Variants in TAF15 observed in about 807,000 individuals in gnomAD.
TAF15 encodes the protein TATA-box binding protein associated factor 15.
In TAF15, 37 loss-of-function variants were observed where a neutral mutation model predicts 102.5. That is an observed-to-expected ratio of 0.36 (90% confidence interval 0.28 to 0.47). The LOEUF is 0.47. Ranked by LOEUF, TAF15 falls within the 20% of genes least tolerant of loss-of-function variation. The pLI, the probability that TAF15 is intolerant of heterozygous loss-of-function variation, is 0.99. For synonymous variants in TAF15, 273 were observed against 259.2 expected (o/e 1.05, Z -0.51); for missense variants, 652 against 760.7 (o/e 0.86, Z 1.68).
chr17:35,829,460 A>G (rs1226586484), intron 7 of TAF15, among the ~76,000 whole-genome samples: 3 of 150,734 alleles, frequency 2.0e-5, no homozygotes, highest in Non-Finnish European at 3.0e-5. Context: ...GTGAAACTCC[A>G]TCTCTACTAA....
intron 7 of TAF15, 57 bp downstream of exon 7, chr17:35,824,255 T>TA: frequency 6.4e-7 from 1 of 1,562,872 alleles, no homozygotes; most frequent in Non-Finnish European, 8.7e-7. Flanking sequence ...TTTTTTTTTT[T>TA]AAGGTGTTAC....
At chr17:35,832,082 AAAAC>A (rs975108035) in intron 7 of TAF15, among the ~76,000 whole-genome samples, 5 of 152,278 alleles carry the variant, frequency 3.3e-5, no homozygotes, top group South Asian at 2.1e-4. Flanking sequence ...CGTCTGGGAA[AAAAC>A]AAACAAAAAA....
intron 7 of TAF15, among the ~76,000 whole-genome samples, chr17:35,828,778 A>C (rs201745750): frequency 1.2e-5 from 1 of 86,366 alleles, no homozygotes; most frequent in African/African-American, 5.3e-5. Context: ...TCAAATGTTT[A>C]AAAAAAAAAA....
At position 35,844,626 on chromosome 17, in the gene TAF15, G is replaced by T; in HGVS notation, c.1327G>T (p.Gly443Trp). 6.2e-7 allele frequency: 1 copy of T among 1,604,228 alleles called. No homozygotes were observed. The highest frequency in any genetic ancestry group is 8.5e-7 in the Non-Finnish European group (1 of 1,174,236). The change falls in exon 15 of 16, where the codon GGG becomes TGG. Residue 443 changes from glycine to tryptophan, a missense_variant. This residue lies in a region of TAF15 where 368 missense variants were observed against 367.5 expected (regional missense o/e 1.00). Transcript: ENST00000605844. The stretch of plus-strand genomic sequence containing the variant: ...TGGTGGCTACAGCGGAGATAGAAGT[G>T]GGGGCGGCTATGGTGGAGACAGAAG... Reference protein sequence around the residue: ...SGGGYSGDRSGGGYGGDRSGG... With the variant: ...SGGGYSGDRSWGGYGGDRSGG...
At chr17:35,841,030 C>T (rs943092647) in intron 11 of TAF15, among the ~76,000 whole-genome samples, 1 of 152,212 alleles carries the variant, frequency 6.6e-6, no homozygotes, top group South Asian at 2.1e-4. Flanking sequence ...GAAGCTATGT[C>T]TTTTGCATAT....
intron 1 of TAF15, 87 bp downstream of exon 1, chr17:35,809,663 G>C (rs1354649584): frequency 6.3e-7 from 1 of 1,591,578 alleles, no homozygotes; most frequent in Non-Finnish European, 8.6e-7. Flanking sequence ...AGGGCCCTGA[G>C]GAGAAGCCTC....
intron 7 of TAF15, among the ~76,000 whole-genome samples, chr17:35,832,077 G>C (rs774562070): frequency 3.9e-5 from 6 of 151,940 alleles, no homozygotes; most frequent in Non-Finnish European, 5.9e-5. Flanking sequence ...GACTCCGTCT[G>C]GGAAAAAACA....
At chr17:35,820,801 T>C (rs544754208) in intron 5 of TAF15, among the ~76,000 whole-genome samples, 71 of 152,248 alleles carry the variant, frequency 4.7e-4, no homozygotes, top group Non-Finnish European at 7.6e-4. Flanking sequence ...ATATTAACTT[T>C]TCAGGGACAA....
chr17:35,814,624 G>A (rs903037328), intron 1 of TAF15, among the ~76,000 whole-genome samples: 3 of 151,874 alleles, frequency 2.0e-5, no homozygotes, highest in Non-Finnish European at 4.4e-5. Flanking sequence ...AGGCCGAGGC[G>A]GGCGGTTCAC....
At chr17:35,824,389 G>T in intron 7 of TAF15, 191 bp downstream of exon 7, 1 of 732,864 alleles carries the variant, frequency 1.4e-6, no homozygotes, top group Non-Finnish European at 2.1e-6. Context: ...AATGACCTTA[G>T]AATTGGCTAT....
intron 10 of TAF15, among the ~76,000 whole-genome samples, 175 bp from the exon 11 acceptor site, chr17:35,838,249 G>A (rs1181572590): frequency 6.6e-6 from 1 of 152,140 alleles, no homozygotes; most frequent in Non-Finnish European, 1.5e-5. Context: ...TTTTCACTTA[G>A]TGTAGCTTAG....
At chr17:35,813,992 T>TTG (rs1052281949) in intron 1 of TAF15, among the ~76,000 whole-genome samples, 19 of 137,598 alleles carry the variant, frequency 1.4e-4, no homozygotes, top group Non-Finnish European at 6.4e-5. Context: ...TTCTGTTTTT[T>TTG]TTGTTGTTGT....
chr17:35,828,467 C>T (rs927008144), intron 7 of TAF15, among the ~76,000 whole-genome samples: 4 of 152,150 alleles, frequency 2.6e-5, no homozygotes, highest in Admixed American at 6.5e-5. Flanking sequence ...GTCATGATGG[C>T]CTGCGCCTGT....
At chr17:35,810,284 C>T (rs2087110269) in intron 1 of TAF15, 2 of 154,152 alleles carry the variant, frequency 1.3e-5, no homozygotes, top group Admixed American at 1.3e-4. Flanking sequence ...TGATAAGCTC[C>T]TGTAGGTGTA....
At chr17:35,821,521 C>G (rs1379667919) in intron 5 of TAF15, among the ~76,000 whole-genome samples, 2 of 152,046 alleles carry the variant, frequency 1.3e-5, no homozygotes, top group Non-Finnish European at 2.9e-5. Context: ...ACATACTGAT[C>G]TTTTATTAGA....
chr17:35,841,369 A>G (rs895104856), intron 11 of TAF15, among the ~76,000 whole-genome samples: 1 of 152,200 alleles, frequency 6.6e-6, no homozygotes, highest in Non-Finnish European at 1.5e-5. Context: ...AACAAATGGT[A>G]CCATACTTCA....
chr17:35,821,090 T>C (rs2087252931), intron 5 of TAF15, among the ~76,000 whole-genome samples: 2 of 152,218 alleles, frequency 1.3e-5, no homozygotes, highest in Non-Finnish European at 1.5e-5. Context: ...ATTCCCATTT[T>C]ACAGAGGGTA....
rs375917684 is a variant in TAF15, at chr17:35,822,624, C to A, written c.291-16C>A. The A allele has an allele frequency of 9.9e-6, 16 of 1,610,910 alleles. No homozygotes were observed. Among genetic ancestry groups the A allele is most frequent in the Non-Finnish European group, 1.4e-5 (16 of 1,178,150 alleles). On this transcript the variant is annotated splice_polypyrimidine_tract_variant and intron_variant, in intron 5 of 15. Coordinates refer to ENST00000605844, the MANE Select transcript of TAF15 (RefSeq NM_139215.3). ...ATCTTCCTATGAAGTCTCTTAAGTTCTCCATTTCTATTTAGCCAAGGTGGA... is the reference window on the plus strand; with the variant it reads ...ATCTTCCTATGAAGTCTCTTAAGTTATCCATTTCTATTTAGCCAAGGTGGA...
intron 7 of TAF15, among the ~76,000 whole-genome samples, chr17:35,826,329 T>A (rs958291268): frequency 6.6e-6 from 1 of 152,126 alleles, no homozygotes; most frequent in Admixed American, 6.6e-5. Flanking sequence ...TGAAAGGCCT[T>A]TTTTAGAAAT....
Sources: allele counts gnomAD v4.1 joint callset (sites outside exome capture counted in the v4.1 genomes callset), GRCh38; gene constraint gnomAD v4.1.1; regional missense constraint gnomAD v4.1.1; transcripts MANE v1.5; gene names NCBI Gene and HGNC (gene_info 2026-07-23, HGNC 2026-07-21).